The following PIBF1 variants were observed in gnomAD, a reference collection of about 807,000 sequenced individuals.
PIBF1 encodes the protein progesterone immunomodulatory binding factor 1, also known as progesterone-induced-blocking factor 1.
A neutral mutation model predicts 112.5 loss-of-function variants in PIBF1; 90 were observed. The observed-to-expected ratio is 0.80, with a 90% confidence interval of 0.67 to 0.95. The LOEUF is 0.95. Ranked by LOEUF, PIBF1 falls within the 40% of genes least tolerant of loss-of-function variation. The pLI is 0.00. For missense variants in PIBF1, 915 were observed against 852.3 expected, an observed-to-expected ratio of 1.07 and a Z score of -0.92; for synonymous variants, 301 against 288.6, an observed-to-expected ratio of 1.04 and a Z score of -0.44.
At chr13:72,935,855 A>AT (rs937242417) in intron 14 of PIBF1, among the ~76,000 whole-genome samples, 7 of 151,692 alleles carry the variant, frequency 4.6e-5, no homozygotes, top group Non-Finnish European at 8.8e-5. Context: ...GTCTCCTCAC[A>AT]TTTTTTGTCT....
Position 72,795,250 on chromosome 13 carries a change from T to C in PIBF1, c.354-109T>C, listed in dbSNP as rs2035132386. On this transcript the variant is annotated intron_variant, in intron 3 of 17. Transcript: ENST00000326291. ...TTTAGCTGGAGTAAGTAAATAATAC[T>C]GTCAGGTTTCTGATTTCCTAACTTT... 4.3e-6 allele frequency: 3 copies of C among 692,678 alleles called. No homozygotes were observed. In the Admixed American group the frequency reaches 9.4e-5, roughly 22 times the overall value. 42.9% of individuals were successfully genotyped at this position (692,678 alleles called of 1,614,324 possible).
At chr13:72,910,287 T>A (rs2040850646) in intron 12 of PIBF1, among the ~76,000 whole-genome samples, 1 of 152,200 alleles carries the variant, frequency 6.6e-6, no homozygotes, top group South Asian at 2.1e-4. Context: ...CTTTAATGAC[T>A]TTTATTGTCT....
chr13:72,987,050 ACTT>A (rs2043313668), intron 16 of PIBF1, among the ~76,000 whole-genome samples: 1 of 152,208 alleles, frequency 6.6e-6, no homozygotes, highest in African/African-American at 2.4e-5. Context: ...TCTAGTCAGT[ACTT>A]CTTTCTTTAT....
intron 10 of PIBF1, among the ~76,000 whole-genome samples, chr13:72,879,823 A>G (rs1046685784): frequency 2.6e-5 from 4 of 152,234 alleles, no homozygotes; most frequent in Admixed American, 2.6e-4. Context: ...TAAATATTTA[A>G]TGACACATGA....
intron 14 of PIBF1, among the ~76,000 whole-genome samples, chr13:72,954,747 C>T (rs1191758953): frequency 1.3e-5 from 2 of 152,194 alleles, no homozygotes; most frequent in Non-Finnish European, 2.9e-5. Context: ...AGGCTGCTGC[C>T]ACCACTTCTT....
intron 10 of PIBF1, among the ~76,000 whole-genome samples, chr13:72,886,083 C>A (rs1163415324): frequency 6.6e-6 from 1 of 151,976 alleles, no homozygotes; most frequent in South Asian, 2.1e-4. Flanking sequence ...AAATTCATTT[C>A]TTTTCTTGAG....
At chr13:72,822,775 T>A (rs1374319684) in intron 6 of PIBF1, among the ~76,000 whole-genome samples, 1 of 152,248 alleles carries the variant, frequency 6.6e-6, no homozygotes, top group Admixed American at 6.5e-5. Flanking sequence ...TTGCAAAGAT[T>A]TGTGGATAGA....
At chr13:72,828,105 A>C (rs1267931014) in intron 8 of PIBF1, among the ~76,000 whole-genome samples, 191 bp downstream of exon 8, 3 of 151,514 alleles carry the variant, frequency 2.0e-5, no homozygotes, top group African/African-American at 7.3e-5. Context: ...CTGTTTGCAT[A>C]CATTTAAGTG....
intron 16 of PIBF1, 40 bp downstream of exon 16, chr13:72,973,715 C>T: frequency 8.4e-7 from 1 of 1,187,292 alleles, no homozygotes; most frequent in South Asian, 1.4e-5. Flanking sequence ...TCATTTTAGG[C>T]TTTTTTAAAA....
At chr13:72,965,678 G>A (rs190370259) in intron 15 of PIBF1, among the ~76,000 whole-genome samples, 10 of 152,234 alleles carry the variant, frequency 6.6e-5, no homozygotes, top group Admixed American at 6.5e-4. Context: ...ACCGCTATTG[G>A]TCCTTGTTTC....
At chr13:72,827,641 A>G in intron 7 of PIBF1, 92 bp from the exon 8 acceptor site, 1 of 755,124 alleles carries the variant, frequency 1.3e-6, no homozygotes, top group Non-Finnish European at 2.0e-6. Flanking sequence ...TCATGTGGTG[A>G]ATGAAAACAT....
chr13:72,827,669 A>G (rs1169083195), intron 7 of PIBF1, 64 bp from the exon 8 acceptor site: 1 of 964,922 alleles, frequency 1.0e-6, no homozygotes, highest in Non-Finnish European at 1.5e-6. Flanking sequence ...AGAAATTAAT[A>G]CAGTCAAGCT....
chr13:72,994,117 A>T (rs924920283), intron 16 of PIBF1, among the ~76,000 whole-genome samples: 4 of 44,038 alleles, frequency 9.1e-5, no homozygotes, highest in African/African-American at 4.5e-4. Flanking sequence ...TGTCTCAAAA[A>T]AAAAAGAAAA....
chr13:72,811,823 G>A lies in PIBF1; in HGVS notation c.673-10026G>A, dbSNP rs1157956860. ...TAAGTTTTTACAAATAATACAAATG[G>A]CTTACGATAAAAGTGCATGAGGGAA... On this transcript the variant is annotated intron_variant, in intron 5 of 17. Coordinates refer to ENST00000326291, the MANE Select transcript of PIBF1 (RefSeq NM_006346.4). Among the ~76,000 whole-genome samples the A allele has an allele frequency of 3.9e-4, 60 of 152,090 alleles. 1 individual carries two copies. The highest frequency in any genetic ancestry group is 1.5e-5 in the Non-Finnish European group (1 of 68,012).
chr13:72,877,074 A>G (rs184305637), intron 10 of PIBF1, among the ~76,000 whole-genome samples: 1 of 152,198 alleles, frequency 6.6e-6, no homozygotes, highest in Admixed American at 6.5e-5. Flanking sequence ...GTTTACTAAG[A>G]GTTTGTATCA....
At chr13:73,012,133 C>T (rs1373602936) in intron 17 of PIBF1, among the ~76,000 whole-genome samples, 5 of 152,104 alleles carry the variant, frequency 3.3e-5, no homozygotes, top group Non-Finnish European at 2.9e-5. Flanking sequence ...GAGCAGATCA[C>T]CTGAGATCAG....
intron 5 of PIBF1, among the ~76,000 whole-genome samples, chr13:72,803,698 CA>C (rs2035594774): frequency 6.6e-6 from 1 of 152,182 alleles, no homozygotes; most frequent in South Asian, 2.1e-4. Context: ...ATTTAAAAAA[CA>C]ACTGAAGAAT....
chr13:72,860,587 A>T (rs2038649483), intron 10 of PIBF1, among the ~76,000 whole-genome samples: 1 of 152,090 alleles, frequency 6.6e-6, no homozygotes, highest in Admixed American at 6.6e-5. Flanking sequence ...ATTTCCCTGA[A>T]TCATGCTTAA....
chr13:72,836,393 T>C (rs1249779018), intron 9 of PIBF1, among the ~76,000 whole-genome samples: 1 of 152,152 alleles, frequency 6.6e-6, no homozygotes, highest in Non-Finnish European at 1.5e-5. Context: ...TAATCTATAA[T>C]AGCATTGTAC....
Sources: allele counts gnomAD v4.1 joint callset (sites outside exome capture counted in the v4.1 genomes callset), GRCh38; gene constraint gnomAD v4.1.1; transcripts MANE v1.5; gene names NCBI Gene and HGNC (gene_info 2026-07-23, HGNC 2026-07-21).